AP1S2: variants seen among roughly 807,000 people sequenced by gnomAD.
AP1S2 encodes the protein AP-1 complex subunit sigma-2.
AP1S2 carries 1 observed loss-of-function variant against 14.3 expected under a neutral mutation model. The ratio of observed to expected loss-of-function variants is 0.07; its 90% confidence interval spans 0.02 to 0.33. The LOEUF is 0.33. Ranked by LOEUF, AP1S2 falls within the 10% of genes least tolerant of loss-of-function variation. The probability of loss-of-function intolerance (pLI) is 0.99; values close to 1 mark genes in which losing one functional copy is unlikely to be tolerated. For synonymous variants in AP1S2, 30 were observed against 40.5 expected (o/e 0.74, Z 0.99); for missense variants, 30 against 117.7 (o/e 0.25, Z 3.45).
intron 4 of AP1S2, among the ~76,000 whole-genome samples, chrX:15,834,646 TTGTA>T (rs1339706135): frequency 1.0e-5 from 1 of 95,468 alleles, no homozygotes; most frequent in African/African-American, 4.0e-5. Flanking sequence ...CGGCTAATTT[TTGTA>T]TTTTTTTTTT....
At chrX:15,838,404 TA>T (rs752155741) in intron 4 of AP1S2, among the ~76,000 whole-genome samples, 1 of 110,580 alleles carries the variant, frequency 9.0e-6, no homozygotes, top group East Asian at 2.8e-4. Flanking sequence ...TTTTTATTTT[TA>T]AAAAAAGGCC....
At chrX:15,840,626 T>C (rs1267421150) in intron 4 of AP1S2, 5 of 816,309 alleles carry the variant, frequency 6.1e-6, no homozygotes, top group Non-Finnish European at 8.2e-6. Flanking sequence ...AACTGGTAAG[T>C]GCTTGACTTT....
At chrX:15,849,804 C>T (rs1375981017) in intron 2 of AP1S2, among the ~76,000 whole-genome samples, 2 of 110,582 alleles carry the variant, frequency 1.8e-5, no homozygotes, top group African/African-American at 3.3e-5. Flanking sequence ...GCCTCTCACA[C>T]CTTCTTTTTT....
intron 2 of AP1S2, among the ~76,000 whole-genome samples, chrX:15,851,817 AC>A (rs1934187881): frequency 8.9e-6 from 1 of 112,367 alleles, no homozygotes; most frequent in African/African-American, 3.2e-5. Context: ...AATAAACACT[AC>A]TTACAAACAC....
chrX:15,836,376 T>A (rs1933637143), intron 4 of AP1S2, among the ~76,000 whole-genome samples: 1 of 112,420 alleles, frequency 8.9e-6, no homozygotes, highest in Non-Finnish European at 1.9e-5. Flanking sequence ...CCATTTGTTT[T>A]GCTTTCATCT....
chrX:15,837,999 T>C (rs1443708570), intron 4 of AP1S2, among the ~76,000 whole-genome samples: 1 of 112,115 alleles, frequency 8.9e-6, no homozygotes, highest in Non-Finnish European at 1.9e-5. Context: ...CACTTATTTA[T>C]ACTGTGGTCT....
intron 4 of AP1S2, among the ~76,000 whole-genome samples, chrX:15,844,751 T>A (rs1407929336): frequency 1.8e-5 from 2 of 112,195 alleles, no homozygotes; most frequent in Non-Finnish European, 3.8e-5. Flanking sequence ...GAGTTACACA[T>A]CTGGGGATAT....
At chrX:15,828,270 T>G in intron 4 of AP1S2, 70 bp from the exon 5 acceptor site, 2 of 857,525 alleles carry the variant, frequency 2.3e-6, no homozygotes, top group Non-Finnish European at 3.2e-6. Flanking sequence ...AGAATATTAA[T>G]TGCATGTAAA....
chrX:15,833,027 AGTTTAAGTCT>A (rs1933482690), intron 4 of AP1S2: 2 of 1,100,797 alleles, frequency 1.8e-6, no homozygotes, highest in Non-Finnish European at 2.4e-6. Context: ...GAACAAGAAA[AGTTTAAGTCT>A]GTCAAATAAC....
chrX:15,831,374 G>A (rs1306962733), intron 4 of AP1S2: 84 of 741,200 alleles, frequency 1.1e-4, no homozygotes, highest in Non-Finnish European at 1.3e-4. Flanking sequence ...AGTTTGGAAT[G>A]TGAACAGGAA....
At chrX:15,834,481 A>ATATATATATATATTT (rs1569080380) in intron 4 of AP1S2, among the ~76,000 whole-genome samples, 1 of 13,018 alleles carries the variant, frequency 7.7e-5, no homozygotes, top group Non-Finnish European at 1.2e-4. Context: ...TATATATATA[A>ATATATATATATATTT]TTTTTTTTTT....
At chrX:15,833,999 A>G (rs1933516251) in intron 4 of AP1S2, among the ~76,000 whole-genome samples, 1 of 111,808 alleles carries the variant, frequency 8.9e-6, no homozygotes, top group African/African-American at 3.3e-5. Flanking sequence ...GGTCAGAATG[A>G]AAACAGTGAG....
chrX:15,851,286 T>C (rs975995016), intron 2 of AP1S2, among the ~76,000 whole-genome samples: 3 of 109,185 alleles, frequency 2.7e-5, no homozygotes, highest in Non-Finnish European at 3.8e-5. Context: ...TAAAGAGGAG[T>C]CCTCAGTATT....
intron 4 of AP1S2, chrX:15,830,050 G>A (rs1261674854): frequency 2.7e-6 from 2 of 732,039 alleles, no homozygotes; most frequent in Non-Finnish European, 3.2e-6. Flanking sequence ...TCATTCACAT[G>A]AGACGAAGTA....
intron 1 of AP1S2, among the ~76,000 whole-genome samples, chrX:15,854,233 G>C (rs1275056531): frequency 1.8e-5 from 2 of 110,926 alleles, no homozygotes; most frequent in Non-Finnish European, 3.8e-5. Flanking sequence ...CGGGCTCGGG[G>C]CCAGCGTTCC....
At chrX:15,841,205 A>G (rs1158184517) in intron 4 of AP1S2, among the ~76,000 whole-genome samples, 1 of 111,815 alleles carries the variant, frequency 8.9e-6, no homozygotes, top group African/African-American at 3.2e-5. Flanking sequence ...GTGTTTATAC[A>G]AATTGGGTAA....
intron 4 of AP1S2, chrX:15,831,934 T>G: frequency 8.0e-6 from 6 of 745,609 alleles, no homozygotes; most frequent in Non-Finnish European, 9.5e-6. Flanking sequence ...AGTATTTAAA[T>G]TCATTAGTTC....
intron 4 of AP1S2, among the ~76,000 whole-genome samples, chrX:15,836,751 G>A (rs578050544): frequency 9.0e-5 from 10 of 111,077 alleles, no homozygotes; most frequent in Non-Finnish European, 5.7e-5. Context: ...GGGCATGGTG[G>A]TGTGCACCTG....
intron 2 of AP1S2, among the ~76,000 whole-genome samples, chrX:15,848,813 C>T (rs922195358): frequency 4.5e-5 from 5 of 111,936 alleles, no homozygotes; most frequent in Non-Finnish European, 9.4e-5. Flanking sequence ...ATGACTTCTC[C>T]GCAGTCAGCT....
Sources: allele counts gnomAD v4.1 joint callset (sites outside exome capture counted in the v4.1 genomes callset), GRCh38; gene constraint gnomAD v4.1.1; transcripts MANE v1.5; gene names NCBI Gene and HGNC (gene_info 2026-07-23, HGNC 2026-07-21).